PHLPP1: variants seen among roughly 807,000 people sequenced by gnomAD.
The protein encoded by PHLPP1 is PH domain leucine-rich repeat-containing protein phosphatase 1.
A neutral mutation model predicts 117.2 loss-of-function variants in PHLPP1; 42 were observed. The observed-to-expected ratio is 0.36, with a 90% CI of 0.28 to 0.46. The LOEUF is 0.46. PHLPP1 is among the 20% of genes least tolerant of loss of function. The pLI, the probability that PHLPP1 is intolerant of heterozygous loss-of-function variation, is 1.00. For missense variants in PHLPP1, 2,084 were observed against 2,241.9 expected (o/e 0.93, Z 1.42); for synonymous variants, 1,042 against 970.7 (o/e 1.07, Z -1.37).
intron 9 of PHLPP1, among the ~76,000 whole-genome samples, chr18:62,917,361 A>C (rs1415516347): frequency 2.0e-5 from 3 of 148,960 alleles, no homozygotes; most frequent in Non-Finnish European, 4.4e-5. Context: ...GCAAATCCCA[A>C]ATGCTCTATT....
At chr18:62,867,054 T>G (rs547269991) in intron 4 of PHLPP1, among the ~76,000 whole-genome samples, 17 of 152,300 alleles carry the variant, frequency 1.1e-4, no homozygotes, top group Non-Finnish European at 2.1e-4. Flanking sequence ...TTTTAAAAAT[T>G]TAAGCCTTTT....
chr18:62,717,901 A>C (rs893805814), intron 1 of PHLPP1, among the ~76,000 whole-genome samples: 1 of 152,208 alleles, frequency 6.6e-6, no homozygotes, highest in Admixed American at 6.5e-5. Context: ...TTGCATAAAA[A>C]AAAAGATTTT....
chr18:62,788,722 T>C (rs933019701), intron 1 of PHLPP1, among the ~76,000 whole-genome samples: 2 of 152,202 alleles, frequency 1.3e-5, no homozygotes, highest in Non-Finnish European at 2.9e-5. Flanking sequence ...GTACAACTTG[T>C]CTTTTTGGTA....
At chr18:62,962,601 G>A (rs938298103) in intron 13 of PHLPP1, among the ~76,000 whole-genome samples, 18 of 152,148 alleles carry the variant, frequency 1.2e-4, no homozygotes, top group African/African-American at 2.7e-4. Context: ...GAGCCACCGC[G>A]CCTGGCAAGG....
At chr18:62,795,508 A>AAC (rs1568119820) in intron 1 of PHLPP1, among the ~76,000 whole-genome samples, 1 of 151,434 alleles carries the variant, frequency 6.6e-6, no homozygotes. Flanking sequence ...AAAAAAAAAA[A>AAC]AAAAACAACA....
At chr18:62,783,229 C>CT (rs71340114) in intron 1 of PHLPP1, among the ~76,000 whole-genome samples, 6,925 of 106,306 alleles carry the variant, frequency 0.065, 286 homozygotes, top group Non-Finnish European at 0.099. Flanking sequence ...TTTTTTTTTT[C>CT]TTTTTTTTTT....
intron 1 of PHLPP1, among the ~76,000 whole-genome samples, chr18:62,718,819 T>C (rs1910837237): frequency 6.6e-6 from 1 of 152,184 alleles, no homozygotes; most frequent in Non-Finnish European, 1.5e-5. Context: ...TTGAACAAAT[T>C]TTATATGGAA....
At chr18:62,852,640 G>T (rs1164795642) in intron 3 of PHLPP1, among the ~76,000 whole-genome samples, 1 of 152,204 alleles carries the variant, frequency 6.6e-6, no homozygotes, top group Non-Finnish European at 1.5e-5. Flanking sequence ...ACCATGCCCG[G>T]CAGGTTGACA....
intron 3 of PHLPP1, among the ~76,000 whole-genome samples, chr18:62,855,008 C>G (rs1915457337): frequency 6.6e-6 from 1 of 152,078 alleles, no homozygotes; most frequent in South Asian, 2.1e-4. Flanking sequence ...GATCCTGCTG[C>G]TTTTTAAACT....
chr18:62,742,885 C>T (rs564550744), intron 1 of PHLPP1, among the ~76,000 whole-genome samples: 1 of 152,154 alleles, frequency 6.6e-6, no homozygotes, highest in Admixed American at 6.5e-5. Flanking sequence ...CCGTAACTCA[C>T]CCCCAATGAT....
Position 62,744,382 on chromosome 18 carries a change from A to G in PHLPP1, c.1576+27123A>G, listed in dbSNP as rs140763070. Among the ~76,000 whole-genome samples the G allele has an allele frequency of 2.6e-3, 401 of 152,296 alleles. 1 individual carries two copies. The highest frequency in any genetic ancestry group is 6.8e-3 in the Middle Eastern group (2 of 294). ...TGAAATTCAATGCATTTTTTGCCTC[A>G]TGTTTTCTCCAAGCTGGTATTTGAG... On this transcript the variant is annotated intron_variant, in intron 1 of 16. Coordinates refer to ENST00000262719, the MANE Select transcript of PHLPP1 (RefSeq NM_194449.4).
chr18:62,797,840 A>C (rs1045817490), intron 1 of PHLPP1, among the ~76,000 whole-genome samples: 1 of 152,180 alleles, frequency 6.6e-6, no homozygotes, highest in African/African-American at 2.4e-5. Flanking sequence ...GCTCAGTAGA[A>C]TGTAATTCCT....
intron 14 of PHLPP1, among the ~76,000 whole-genome samples, chr18:62,971,799 G>A (rs578081909): frequency 2.0e-5 from 3 of 152,176 alleles, no homozygotes; most frequent in Non-Finnish European, 2.9e-5. Flanking sequence ...CACTTTGGGA[G>A]GCTGAGGCTG....
chr18:62,967,662 TAAC>T (rs934115096), intron 14 of PHLPP1, among the ~76,000 whole-genome samples: 19 of 152,282 alleles, frequency 1.2e-4, no homozygotes, highest in African/African-American at 4.6e-4. Context: ...AATAAACAGA[TAAC>T]ACATTTTGTC....
At chr18:62,785,195 T>C (rs773010487) in intron 1 of PHLPP1, among the ~76,000 whole-genome samples, 5 of 152,206 alleles carry the variant, frequency 3.3e-5, no homozygotes, top group East Asian at 3.9e-4. Flanking sequence ...AAAACAATTA[T>C]AGTGCCGTGG....
chr18:62,796,911 T>C lies in PHLPP1; in HGVS notation c.1577-33124T>C, dbSNP rs1785994627. On this transcript the variant is annotated intron_variant, in intron 1 of 16. Transcript: ENST00000262719. ...GATTGCATATTGTCATCTGGATTGC[T>C]AATTTTTTGGGAAGAGAAATTCTAT... is the stretch of plus-strand genomic sequence containing the variant. 2.6e-5 allele frequency among the ~76,000 whole-genome samples: 4 copies of C among 152,378 alleles called. 1 individual carries two copies. In the Middle Eastern group the frequency reaches 0.01, roughly 389 times the overall value.
rs1275557941 is a variant in PHLPP1 at position 62,715,749 on chromosome 18, G to A, written c.66G>A (p.Ser22=). 3 of 1,209,454 alleles carry A rather than the reference G, an allele frequency of 2.5e-6. No homozygotes were observed. Among genetic ancestry groups the A allele is most frequent in the East Asian group, 3.3e-5 (1 of 30,050 alleles). The allele number at this position is 1,209,454 out of a possible 1,614,324, so 74.9% of individuals were successfully genotyped here. A position where few individuals can be genotyped will look rare whatever the true frequency, so the allele number is the denominator to read the frequency against. Residue 22 remains serine (S), a synonymous_variant, in exon 1 of 17, where the codon TCG becomes TCA. Transcript: ENST00000262719. ...LPELGREDRA[S]APAAAAAAAA... ...AGCTCGGCAGGGAGGACCGAGCTTC[G>A]GCTCCGGCGGCCGCCGCTGCGGCAG...
intron 1 of PHLPP1, among the ~76,000 whole-genome samples, chr18:62,743,042 C>T (rs1484186237): frequency 6.6e-6 from 1 of 151,998 alleles, no homozygotes; most frequent in African/African-American, 2.4e-5. Context: ...GTTAGGGAGA[C>T]ATTAAATGAA....
At chr18:62,846,646 T>C (rs1915190132) in intron 3 of PHLPP1, among the ~76,000 whole-genome samples, 1 of 152,198 alleles carries the variant, frequency 6.6e-6, no homozygotes, top group South Asian at 2.1e-4. Context: ...TACCCAGTAT[T>C]ATAATTAACT....
Sources: gnomAD v4.1 joint callset for allele counts (sites outside exome capture counted in the v4.1 genomes callset) on GRCh38, gnomAD v4.1.1 for gene constraint, MANE v1.5 for transcripts, NCBI Gene and HGNC (gene_info 2026-07-23, HGNC 2026-07-21) for gene names.